The following FBXO31 variants were observed in gnomAD, a reference collection of about 807,000 sequenced individuals.
FBXO31 encodes the protein F-box protein 31.
A neutral mutation model predicts 54.4 loss-of-function variants in FBXO31; 24 were observed. The ratio of observed to expected loss-of-function variants is 0.44; its 90% CI spans 0.32 to 0.62. The LOEUF (loss-of-function observed/expected upper bound fraction) is 0.62, where lower values mean the gene tolerates loss of function less well. Among genes scored for constraint, FBXO31 ranks in the 20% least tolerant of loss-of-function variants. FBXO31 has a pLI of 0.05. For missense variants in FBXO31, 665 were observed against 787.1 expected (o/e 0.84, Z 1.86); for synonymous variants, 388 against 335.6 (o/e 1.16, Z -1.71).
intron 2 of FBXO31, among the ~76,000 whole-genome samples, chr16:87,348,144 A>C (rs11648756): frequency 0.16 from 24,542 of 151,594 alleles, 2,399 homozygotes; most frequent in South Asian, 0.37. Flanking sequence ...CCCCCAGCCC[A>C]CCCACTGCCT....
upstream of FBXO31, chr16:87,383,799 G>C: frequency 1.8e-6 from 2 of 1,133,552 alleles, no homozygotes; most frequent in Non-Finnish European, 2.2e-6. The surrounding 1 kb of genome is among the most constrained non-coding windows in gnomAD (Gnocchi z 4.9). Context: ...GCGCGGCCCC[G>C]CCCCGCCAGC....
At position 87,383,708 on chromosome 16, in the gene FBXO31, A is replaced by T. The variant is rs2150701724; in HGVS notation, c.37T>A (p.Ser13Thr). Residue 13 changes from serine to threonine, a missense_variant, in exon 1 of 9, where the codon TCG (serine) becomes ACG (threonine). Transcript: ENST00000311635. This position sits in a 1 kb window ranked among gnomAD's most constrained non-coding sequence, Gnocchi z 4.9. ...VCARLCGVGP[S>T]RGCRRRQQRR... ...TGCTGGCGGCGCCGACATCCGCGCGACGGGCCCACGCCGCAAAGGCGAGCA... is the reference window on the plus strand; with the variant it reads ...TGCTGGCGGCGCCGACATCCGCGCGTCGGGCCCACGCCGCAAAGGCGAGCA... 2.4e-6 allele frequency: 3 copies of T among 1,261,958 alleles called. No homozygotes were observed. The highest frequency in any genetic ancestry group is 1.6e-5 in the African/African-American group (1 of 63,454). 78.2% of individuals were successfully genotyped at this position (1,261,958 alleles called of 1,614,324 possible). A position where few individuals can be genotyped will look rare whatever the true frequency, so the allele number is the denominator to read the frequency against.
At chr16:87,347,651 G>C (rs1408842824) in intron 2 of FBXO31, among the ~76,000 whole-genome samples, 1 of 139,854 alleles carries the variant, frequency 7.2e-6, no homozygotes, top group African/African-American at 2.8e-5. Flanking sequence ...CTGCACTCCA[G>C]CCCGGGCGAC....
At chr16:87,367,435 G>C (rs536551185) in intron 1 of FBXO31, 1 of 152,318 alleles carries the variant, frequency 6.6e-6, no homozygotes, top group East Asian at 1.9e-4. Flanking sequence ...AAGATTCCCA[G>C]GGGGGTCCTG....
At chr16:87,366,903 C>T (rs1405982966) in intron 1 of FBXO31, among the ~76,000 whole-genome samples, 1 of 152,146 alleles carries the variant, frequency 6.6e-6, no homozygotes, top group East Asian at 1.9e-4. Context: ...ACAAGACGGG[C>T]GCAAGGGCTC....
chr16:87,365,209 G>C (rs980149140), intron 1 of FBXO31, among the ~76,000 whole-genome samples: 1 of 150,786 alleles, frequency 6.6e-6, no homozygotes, highest in African/African-American at 2.4e-5. Flanking sequence ...AAGGGGTCAG[G>C]ACTTCTGCTG....
At chr16:87,340,985 G>A (rs1905175415) in intron 5 of FBXO31, among the ~76,000 whole-genome samples, 1 of 152,136 alleles carries the variant, frequency 6.6e-6, no homozygotes, top group Non-Finnish European at 1.5e-5. Context: ...CAGAGGCACA[G>A]GCTATGACCA....
chr16:87,349,922 A>C (rs1905573431), intron 2 of FBXO31, among the ~76,000 whole-genome samples: 1 of 151,858 alleles, frequency 6.6e-6, no homozygotes, highest in Non-Finnish European at 1.5e-5. Flanking sequence ...AAAAAAAAAA[A>C]ATCCCCTCTA....
At chr16:87,367,382 C>T (rs1312659145) in intron 1 of FBXO31, 1 of 152,200 alleles carries the variant, frequency 6.6e-6, no homozygotes, top group Admixed American at 6.5e-5. Context: ...CCTGCTCTCA[C>T]TGAGCCGAGC....
At chr16:87,377,514 A>G (rs181005841) in intron 1 of FBXO31, among the ~76,000 whole-genome samples, 2 of 152,298 alleles carry the variant, frequency 1.3e-5, no homozygotes, top group East Asian at 3.9e-4. Flanking sequence ...ACTATAGACA[A>G]TGAGAAAATG....
chr16:87,383,393 C>A lies in FBXO31; in HGVS notation c.340+12G>T. ...CCCGCCCCTCCCGGCCCCGCCACCC[C>A]CGCGCGCTCACCCTCACGGCAACGC... On this transcript the variant is annotated intron_variant, in intron 1 of 8. Coordinates refer to ENST00000311635, the MANE Select transcript of FBXO31 (RefSeq NM_024735.5). The surrounding 1 kb of genome is among the most constrained non-coding windows in gnomAD (Gnocchi z 4.9). 1.3e-6 allele frequency: 2 copies of A among 1,531,830 alleles called. No homozygotes were observed. Among genetic ancestry groups the A allele is most frequent in the Non-Finnish European group, 8.8e-7 (1 of 1,140,122 alleles). The allele number at this position is 1,531,830 out of a possible 1,614,324, so 94.9% of individuals were successfully genotyped here.
chr16:87,363,896 C>G (rs938707040), intron 1 of FBXO31, among the ~76,000 whole-genome samples: 4 of 152,206 alleles, frequency 2.6e-5, no homozygotes, highest in South Asian at 4.1e-4. Flanking sequence ...GTCAGCTCCC[C>G]CTTCCGAGCT....
Position 87,330,116 on chromosome 16 carries a change from C to G in FBXO31, c.*1172G>C, listed in dbSNP as rs1306937263. On this transcript the variant is annotated 3_prime_UTR_variant, in exon 9 of 9. Coordinates refer to ENST00000311635, the MANE Select transcript of FBXO31 (RefSeq NM_024735.5). ...GCTGGCTGTGGGCTGGGGGAAGGGC[C>G]AGCTCTGGACACCGTGCTCTCTGTT... The G allele has an allele frequency of 1.3e-5, 2 of 152,340 alleles. No homozygotes were observed. Among genetic ancestry groups the G allele is most frequent in the Non-Finnish European group, 2.9e-5 (2 of 68,146 alleles). The allele number at this position is 152,340 out of a possible 1,614,324, so 9.4% of individuals were successfully genotyped here.
chr16:87,356,132 G>C (rs1361569541), intron 2 of FBXO31, among the ~76,000 whole-genome samples: 2 of 151,822 alleles, frequency 1.3e-5, no homozygotes, highest in African/African-American at 4.8e-5. Context: ...GGGACGCTGA[G>C]GCACGAGAAC....
At chr16:87,334,847 C>G (rs1904993262) in intron 7 of FBXO31, among the ~76,000 whole-genome samples, 1 of 152,204 alleles carries the variant, frequency 6.6e-6, no homozygotes. Context: ...GCTGGGCTCA[C>G]CACACAGCCC....
chr16:87,357,895 T>C (rs1334526274), intron 2 of FBXO31, among the ~76,000 whole-genome samples: 2 of 151,568 alleles, frequency 1.3e-5, no homozygotes, highest in African/African-American at 4.9e-5. Flanking sequence ...CCAGCTTGGG[T>C]GACAGAGTGA....
chr16:87,370,845 C>T (rs1394900384), intron 1 of FBXO31, among the ~76,000 whole-genome samples: 2 of 152,156 alleles, frequency 1.3e-5, no homozygotes, highest in African/African-American at 4.8e-5. Context: ...TTTGTACTTG[C>T]GCTAAATTAG....
rs558883391 is a variant in FBXO31 at position 87,380,446 on chromosome 16, G to T, written c.340+2959C>A. ...CGAAAGGGTCTCACTCTGTCACCCGGACTGGAGTGCAGTAGCATGTTCACA... is the reference window on the plus strand; with the variant it reads ...CGAAAGGGTCTCACTCTGTCACCCGTACTGGAGTGCAGTAGCATGTTCACA... On this transcript the variant is annotated intron_variant, in intron 1 of 8. Transcript: ENST00000311635. 7.2e-4 allele frequency among the ~76,000 whole-genome samples: 109 copies of T among 152,122 alleles called. 1 individual carries two copies. Among genetic ancestry groups the T allele is most frequent in the African/African-American group, 2.5e-3 (105 of 41,510 alleles).
At chr16:87,333,737 G>A in intron 8 of FBXO31, 149 bp downstream of exon 8, 1 of 1,256,770 alleles carries the variant, frequency 8.0e-7, no homozygotes, top group South Asian at 1.5e-5. Flanking sequence ...GGCCCAAGGG[G>A]TCAGAGGCCG....
Sources: allele counts gnomAD v4.1 joint callset (sites outside exome capture counted in the v4.1 genomes callset), GRCh38; gene constraint gnomAD v4.1.1; non-coding constraint Gnocchi (gnomAD v3.1); transcripts MANE v1.5; gene names NCBI Gene and HGNC (gene_info 2026-07-23, HGNC 2026-07-21).